The following ANXA8 variants were observed in gnomAD, a reference collection of about 807,000 sequenced individuals.
ANXA8 encodes the protein VAC-beta.
A neutral mutation model predicts 26.8 loss-of-function variants in ANXA8; 9 were observed. That is an observed-to-expected ratio of 0.34 (90% CI 0.20 to 0.59). ANXA8 has a LOEUF of 0.59. Ranked by LOEUF, ANXA8 falls within the 20% of genes least tolerant of loss-of-function variation. The pLI, the probability that ANXA8 is intolerant of heterozygous loss-of-function variation, is 0.84. For synonymous variants in ANXA8, 39 were observed against 94.8 expected, an observed-to-expected ratio of 0.41 and a Z score of 3.42; for missense variants, 83 against 238.5, an observed-to-expected ratio of 0.35 and a Z score of 4.29.
the ANXA8 span, among the ~76,000 whole-genome samples, chr10:47,667,728 T>TTTTGG: frequency 1.3e-5 from 2 of 151,098 alleles, no homozygotes; most frequent in African/African-American, 4.9e-5. Context: ...AATTTTTGTT[T>TTTTGG]TTTTGTTTTG....
chr10:47,474,910 G>T, intron 7 of ANXA8, 35 bp downstream of exon 7: 2 of 1,533,140 alleles, frequency 1.3e-6, no homozygotes, highest in Non-Finnish European at 1.8e-6. Flanking sequence ...GATGGCAGGG[G>T]GTGGGGCCAC....
chr10:47,666,341 A>C, the ANXA8 span, among the ~76,000 whole-genome samples: 1 of 150,712 alleles, frequency 6.6e-6, no homozygotes, highest in Non-Finnish European at 1.5e-5. Context: ...AAAGGATCTC[A>C]GTTATTAGAA....
chr10:47,967,229 A>G, the ANXA8 span, among the ~76,000 whole-genome samples: 1 of 150,478 alleles, frequency 6.6e-6, no homozygotes, highest in Non-Finnish European at 1.5e-5. Flanking sequence ...ACTTCTTGTA[A>G]ACATTTCCAT....
At chr10:47,957,808 C>G in the ANXA8 span, among the ~76,000 whole-genome samples, 1 of 149,208 alleles carries the variant, frequency 6.7e-6, no homozygotes, top group Non-Finnish European at 1.5e-5. Context: ...GCCTTCTCCT[C>G]TGTGTGTGTC....
the ANXA8 span, among the ~76,000 whole-genome samples, chr10:47,648,477 G>A: frequency 6.7e-6 from 1 of 149,326 alleles, no homozygotes; most frequent in South Asian, 2.1e-4. Context: ...CTTTTTTGAA[G>A]TTCTACCTCT....
At chr10:47,771,575 T>TG in the ANXA8 span, among the ~76,000 whole-genome samples, 32 of 149,884 alleles carry the variant, frequency 2.1e-4, no homozygotes, top group East Asian at 1.6e-3. Context: ...GCAGGTTTTT[T>TG]TTGTTGTTGT....
chr10:47,666,190 C>A, the ANXA8 span, among the ~76,000 whole-genome samples: 1,854 of 137,654 alleles, frequency 0.013, 116 homozygotes, highest in Admixed American at 0.13. Context: ...CCGCCCCCCC[C>A]ATCCCCCACC....
chr10:47,710,952 C>G, the ANXA8 span, among the ~76,000 whole-genome samples: 1 of 139,876 alleles, frequency 7.1e-6, no homozygotes. Context: ...AATTTATTCC[C>G]AGATATACTA....
chr10:47,671,052 T>C, the ANXA8 span, among the ~76,000 whole-genome samples: 4 of 151,720 alleles, frequency 2.6e-5, no homozygotes, highest in Non-Finnish European at 5.9e-5. Flanking sequence ...CCAGCAGAAG[T>C]GAAGTTAGTT....
chr10:47,474,977 C>T lies in ANXA8; in HGVS notation c.520G>A (p.Val174Met). The change falls in exon 7 of 12, where the codon GTG (valine) becomes ATG (methionine). Residue 174 changes from valine (V) to methionine (M), a missense_variant. Transcript: ENST00000585281. ...TCTTGGAGGGCCAGTCCTGGGTCCACAAAGCTGCTCACATCATCCCTGCTG... is the reference window on the plus strand; with the variant it reads ...TCTTGGAGGGCCAGTCCTGGGTCCATAAAGCTGCTCACATCATCCCTGCTG... Reference protein sequence around the residue: ...QGSRDDVSSFVDPGLALQDAQ... With the variant: ...QGSRDDVSSFMDPGLALQDAQ... 16 of 1,530,196 alleles carry T rather than the reference C, an allele frequency of 1.0e-5. 5 individuals carry two copies. The highest frequency in any genetic ancestry group is 1.4e-5 in the Non-Finnish European group (16 of 1,131,510). The allele number at this position is 1,530,196 out of a possible 1,614,324, so 94.8% of individuals were successfully genotyped here.
At chr10:47,699,084 C>T in the ANXA8 span, among the ~76,000 whole-genome samples, 19 of 151,574 alleles carry the variant, frequency 1.3e-4, no homozygotes, top group African/African-American at 4.4e-4. Context: ...CGGTGGCTCA[C>T]GCCTGTAATC....
chr10:47,504,846 C>CTT, the ANXA8 span, among the ~76,000 whole-genome samples: 74 of 46,838 alleles, frequency 1.6e-3, no homozygotes, highest in East Asian at 2.2e-3. Context: ...CATAACTGTT[C>CTT]TTTTTTTTTT....
the ANXA8 span, chr10:47,710,122 C>T: frequency 2.0e-6 from 1 of 493,842 alleles, no homozygotes; most frequent in African/African-American, 2.2e-5. Flanking sequence ...TATATCTAAT[C>T]ATACTTTACA....
chr10:47,511,114 T>G, the ANXA8 span, among the ~76,000 whole-genome samples: 2 of 129,186 alleles, frequency 1.5e-5, 1 homozygote, highest in Admixed American at 1.6e-4. Flanking sequence ...CGGCTAACTT[T>G]TTGTATTTTT....
chr10:47,585,195 C>G, the ANXA8 span, among the ~76,000 whole-genome samples: 1 of 109,840 alleles, frequency 9.1e-6, no homozygotes, highest in East Asian at 2.6e-4. Flanking sequence ...ACCTGGGAGG[C>G]AGAGGTTGCA....
At chr10:47,595,889 A>T in the ANXA8 span, among the ~76,000 whole-genome samples, 1 of 148,338 alleles carries the variant, frequency 6.7e-6, no homozygotes, top group Non-Finnish European at 1.5e-5. Flanking sequence ...TCTGGACTTA[A>T]ATTTGCCACT....
chr10:47,769,458 T>G, the ANXA8 span, among the ~76,000 whole-genome samples: 1 of 149,270 alleles, frequency 6.7e-6, no homozygotes, highest in Non-Finnish European at 1.5e-5. Context: ...TTTGCAGATT[T>G]GATTATTACC....
chr10:47,528,566 T>C, the ANXA8 span, among the ~76,000 whole-genome samples: 13,038 of 107,862 alleles, frequency 0.12, 1 homozygote, highest in South Asian at 0.24. Context: ...TATAAATAAG[T>C]ATATCAACAA....
chr10:47,990,994 C>T, the ANXA8 span, among the ~76,000 whole-genome samples: 1 of 145,662 alleles, frequency 6.9e-6, no homozygotes, highest in East Asian at 2.0e-4. Context: ...CCCCTCTTCC[C>T]TCTCCAGTCT....
Sources: gnomAD v4.1 joint callset for allele counts (sites outside exome capture counted in the v4.1 genomes callset) on GRCh38, gnomAD v4.1.1 for gene constraint, MANE v1.5 for transcripts, NCBI Gene and HGNC (gene_info 2026-07-23, HGNC 2026-07-21) for gene names.